The following DOCK10 variants were observed in gnomAD, a reference collection of about 807,000 sequenced individuals.
DOCK10 encodes dedicator of cytokinesis 10, also known as dedicator of cytokinesis protein 10.
A neutral mutation model predicts 280.1 loss-of-function variants in DOCK10; 145 were observed. The ratio of observed to expected loss-of-function variants is 0.52; its 90% confidence interval spans 0.45 to 0.59. The LOEUF (loss-of-function observed/expected upper bound fraction) is 0.59, where lower values mean the gene tolerates loss of function less well. Among genes scored for constraint, DOCK10 ranks in the 20% least tolerant of loss-of-function variants. The pLI is 0.00. For synonymous variants in DOCK10, 915 were observed against 942.2 expected (o/e 0.97, Z 0.53); for missense variants, 2,368 against 2,651.7 (o/e 0.89, Z 2.35).
chr2:224,804,928 T>C, intron 37 of DOCK10, 87 bp from the exon 38 acceptor site: 1 of 1,239,074 alleles, frequency 8.1e-7, no homozygotes, highest in South Asian at 1.6e-5. Flanking sequence ...AAGAAAAATA[T>C]TAAATTTTCT....
At chr2:224,782,851 A>AGG (rs757321904) in intron 50 of DOCK10, among the ~76,000 whole-genome samples, 8 of 152,232 alleles carry the variant, frequency 5.3e-5, no homozygotes, top group South Asian at 2.1e-4. Flanking sequence ...GGATATTAAA[A>AGG]GGTAAGTTTT....
At chr2:224,973,475 G>A (rs1705213250) in intron 1 of DOCK10, among the ~76,000 whole-genome samples, 1 of 152,016 alleles carries the variant, frequency 6.6e-6, no homozygotes, top group South Asian at 2.1e-4. Context: ...TATGCTTCTG[G>A]CTTTGAAGAT....
At chr2:224,844,263 T>C (rs984792258) in intron 22 of DOCK10, among the ~76,000 whole-genome samples, 3 of 152,108 alleles carry the variant, frequency 2.0e-5, no homozygotes, top group African/African-American at 7.2e-5. Flanking sequence ...CCCAAGTGGC[T>C]GGGATTACAG....
chr2:224,894,648 C>T (rs983952971), intron 4 of DOCK10, among the ~76,000 whole-genome samples: 1 of 152,180 alleles, frequency 6.6e-6, no homozygotes, highest in African/African-American at 2.4e-5. Flanking sequence ...CATGAAGTTG[C>T]AAGAGCTTGT....
At chr2:224,890,514 T>A (rs547890381) in intron 4 of DOCK10, among the ~76,000 whole-genome samples, 1 of 152,358 alleles carries the variant, frequency 6.6e-6, no homozygotes, top group Admixed American at 6.5e-5. Flanking sequence ...TAGTGACTTA[T>A]GACCAACTCA....
chr2:225,022,343 C>A (rs1190195238), intron 1 of DOCK10, among the ~76,000 whole-genome samples: 1 of 152,170 alleles, frequency 6.6e-6, no homozygotes, highest in Non-Finnish European at 1.5e-5. Context: ...CTTATTGGAT[C>A]AAACTGAGCT....
At chr2:224,852,506 G>A (rs937011898) in intron 17 of DOCK10, 64 bp from the exon 18 acceptor site, 1 of 1,333,576 alleles carries the variant, frequency 7.5e-7, no homozygotes, top group Non-Finnish European at 1.0e-6. Flanking sequence ...AAAAACCCAA[G>A]TGCCTAAAAT....
At chr2:224,870,720 G>A (rs1244370532) in intron 11 of DOCK10, among the ~76,000 whole-genome samples, 1 of 150,024 alleles carries the variant, frequency 6.7e-6, no homozygotes, top group Non-Finnish European at 1.5e-5. Context: ...CTTCTCTATG[G>A]TCATAGATAT....
intron 7 of DOCK10, among the ~76,000 whole-genome samples, chr2:224,878,495 G>C (rs556774188): frequency 1.3e-5 from 2 of 152,246 alleles, no homozygotes; most frequent in Non-Finnish European, 2.9e-5. Context: ...CAGGGACACA[G>C]AAGATGCTCA....
chr2:224,781,928 TG>T (rs1691370966), intron 50 of DOCK10, among the ~76,000 whole-genome samples: 1 of 152,102 alleles, frequency 6.6e-6, no homozygotes, highest in South Asian at 2.1e-4. Flanking sequence ...TTAGGGCCCC[TG>T]GTATTTTATT....
At chr2:224,831,403 A>G (rs769989329) in intron 26 of DOCK10, among the ~76,000 whole-genome samples, 1 of 152,234 alleles carries the variant, frequency 6.6e-6, no homozygotes, top group Non-Finnish European at 1.5e-5. Flanking sequence ...AAACTTCATA[A>G]CACCTTGGAA....
At chr2:224,846,681 G>A (rs369976909) in intron 19 of DOCK10, among the ~76,000 whole-genome samples, 1 of 152,092 alleles carries the variant, frequency 6.6e-6, no homozygotes, top group African/African-American at 2.4e-5. Context: ...ATTTTTTGTA[G>A]AGATAGGGTT....
Position 225,000,930 on chromosome 2 carries a change from C to T in DOCK10, c.123+41322G>A, listed in dbSNP as rs920233045. Among the ~76,000 whole-genome samples the T allele has an allele frequency of 9.9e-5, 15 of 152,252 alleles. No individual in the cohort carries two copies. The East Asian group carries it at 1.2e-3, about 12-fold the overall frequency. On this transcript the variant is annotated intron_variant, in intron 1 of 55. Transcript: ENST00000258390. Reference sequence around the variant, plus strand: ...CGCAGAGGTTGCAGTGAGCCGAGATCGTGCCACTGCACTGTAGCCTAGGCA... The same window carrying T: ...CGCAGAGGTTGCAGTGAGCCGAGATTGTGCCACTGCACTGTAGCCTAGGCA...
intron 4 of DOCK10, chr2:224,893,601 C>G (rs1699825974): frequency 7.0e-6 from 3 of 428,348 alleles, no homozygotes; most frequent in Non-Finnish European, 1.4e-5. Context: ...CTTACATTTT[C>G]CATTCTAGCC....
chr2:224,851,805 C>T (rs113864655), intron 18 of DOCK10, among the ~76,000 whole-genome samples: 3,324 of 152,188 alleles, frequency 0.022, 121 homozygotes, highest in African/African-American at 0.075. Context: ...CTAAAAAATG[C>T]CATCCCGTTG....
intron 1 of DOCK10, among the ~76,000 whole-genome samples, chr2:224,980,974 A>AATTTTATAGACT (rs1448761625): frequency 6.6e-6 from 1 of 152,148 alleles, no homozygotes; most frequent in Non-Finnish European, 1.5e-5. Flanking sequence ...CTAGCTGTGA[A>AATTTTATAGACT]ATTTTATAGA....
intron 7 of DOCK10, among the ~76,000 whole-genome samples, chr2:224,881,747 A>C (rs1214546899): frequency 6.6e-6 from 1 of 152,206 alleles, no homozygotes; most frequent in African/African-American, 2.4e-5. Flanking sequence ...TTGTTCTCGG[A>C]AGTGAGATTT....
At chr2:224,983,465 T>C (rs1340995160) in intron 1 of DOCK10, 1 of 212,744 alleles carries the variant, frequency 4.7e-6, no homozygotes, top group African/African-American at 2.3e-5. Flanking sequence ...TTGAGATCTT[T>C]CTGCCAAGCT....
At chr2:224,828,068 C>T (rs1263971610) in intron 27 of DOCK10, among the ~76,000 whole-genome samples, 1 of 152,188 alleles carries the variant, frequency 6.6e-6, no homozygotes, top group Non-Finnish European at 1.5e-5. Flanking sequence ...CAGGCAAACC[C>T]TTGAGGAGTT....
Sources: gnomAD v4.1 joint callset for allele counts (sites outside exome capture counted in the v4.1 genomes callset) on GRCh38, gnomAD v4.1.1 for gene constraint, MANE v1.5 for transcripts, NCBI Gene and HGNC (gene_info 2026-07-23, HGNC 2026-07-21) for gene names.